KIAA1958: variants seen among roughly 807,000 people sequenced by gnomAD.
KIAA1958 encodes the protein uncharacterized protein KIAA1958.
KIAA1958 carries 14 observed loss-of-function variants against 47.2 expected under a neutral mutation model. That is an observed-to-expected ratio of 0.30 (90% CI 0.20 to 0.46). The LOEUF is 0.46. Ranked by LOEUF, KIAA1958 falls within the 20% of genes least tolerant of loss-of-function variation. The pLI is 1.00. For missense variants in KIAA1958, 803 were observed against 909.2 expected, an observed-to-expected ratio of 0.88 and a Z score of 1.50; for synonymous variants, 354 against 353.3, an observed-to-expected ratio of 1.00 and a Z score of -0.02.
intron 2 of KIAA1958, among the ~76,000 whole-genome samples, chr9:112,632,908 C>CT (rs5900008): frequency 3.3e-4 from 47 of 143,106 alleles, no homozygotes; most frequent in Admixed American, 9.0e-4. Context: ...TGGAAACAGC[C>CT]TTTTTTTTTT....
chr9:112,535,059 TAAAC>T (rs1369358409), intron 1 of KIAA1958, among the ~76,000 whole-genome samples: 3 of 152,200 alleles, frequency 2.0e-5, no homozygotes, highest in East Asian at 3.8e-4. Context: ...AAGGATAAAT[TAAAC>T]TAAGTAACAT....
intron 1 of KIAA1958, among the ~76,000 whole-genome samples, chr9:112,506,804 C>T (rs539197089): frequency 2.0e-5 from 3 of 151,478 alleles, no homozygotes; most frequent in South Asian, 2.1e-4. Flanking sequence ...CTTTTTTTGC[C>T]GGATCATGGG....
At chr9:112,639,084 T>G (rs991040647) in intron 2 of KIAA1958, among the ~76,000 whole-genome samples, 3 of 152,236 alleles carry the variant, frequency 2.0e-5, no homozygotes, top group African/African-American at 7.2e-5. Flanking sequence ...AAGGACATTT[T>G]CCTGCATAAC....
chr9:112,499,403 TAC>T (rs1369075384), intron 1 of KIAA1958, among the ~76,000 whole-genome samples: 1 of 152,220 alleles, frequency 6.6e-6, no homozygotes, highest in Non-Finnish European at 1.5e-5. Context: ...GCTCCCATTC[TAC>T]CTTCACAGCA....
chr9:112,556,842 G>T (rs1404935804), intron 1 of KIAA1958, among the ~76,000 whole-genome samples: 1 of 152,186 alleles, frequency 6.6e-6, no homozygotes, highest in Non-Finnish European at 1.5e-5. Flanking sequence ...GTCAGATTGG[G>T]CTGGGGGTAG....
rs562644089 is a variant in KIAA1958, at chr9:112,624,991, T to G, written c.1172-20659T>G. On this transcript the variant is annotated intron_variant, in intron 2 of 3. Transcript: ENST00000337530. ...TAGAAATAGCCAAGAGAACACAACC[T>G]CAAACAAATTCCCCAGAGGTCTCAT... Among the ~76,000 whole-genome samples the G allele has an allele frequency of 1.2e-3, 170 of 146,350 alleles. 1 individual carries two copies. Among genetic ancestry groups the G allele is most frequent in the African/African-American group, 4.0e-3 (158 of 39,182 alleles).
At chr9:112,594,018 C>T (rs1835973253) in intron 2 of KIAA1958, among the ~76,000 whole-genome samples, 2 of 152,108 alleles carry the variant, frequency 1.3e-5, no homozygotes, top group Non-Finnish European at 2.9e-5. Context: ...GCATGCACTA[C>T]CACATCTGGC....
At chr9:112,593,197 C>T (rs527688758) in intron 2 of KIAA1958, among the ~76,000 whole-genome samples, 1 of 152,206 alleles carries the variant, frequency 6.6e-6, no homozygotes, top group East Asian at 1.9e-4. Flanking sequence ...AGCAAAGGGG[C>T]TCACACATCC....
chr9:112,646,740 G>A (rs190204544), intron 3 of KIAA1958, among the ~76,000 whole-genome samples: 6 of 152,226 alleles, frequency 3.9e-5, no homozygotes, highest in African/African-American at 9.6e-5. Context: ...ATAGCAAGAC[G>A]CTGCCTCTAA....
chr9:112,603,328 G>T (rs1026665105), intron 2 of KIAA1958, among the ~76,000 whole-genome samples: 1 of 151,910 alleles, frequency 6.6e-6, no homozygotes, highest in Non-Finnish European at 1.5e-5. Context: ...CATTTCATGT[G>T]GCTATCCCAT....
intron 1 of KIAA1958, among the ~76,000 whole-genome samples, chr9:112,487,518 A>G (rs1206001419): frequency 2.0e-5 from 3 of 151,992 alleles, no homozygotes; most frequent in Admixed American, 1.3e-4. Context: ...GGAGGAGGAA[A>G]AGGTCTGTCC....
chr9:112,488,845 G>A (rs1293001323), intron 1 of KIAA1958, among the ~76,000 whole-genome samples: 3 of 152,048 alleles, frequency 2.0e-5, no homozygotes, highest in Non-Finnish European at 2.9e-5. Context: ...TTTTCTAGGA[G>A]AAAAATTTAT....
At position 112,574,614 on chromosome 9, in the gene KIAA1958, C is replaced by T. The variant is rs1564177582; in HGVS notation, c.534C>T (p.Val178=). 6.2e-7 allele frequency: 1 copy of T among 1,614,156 alleles called. No homozygotes were observed. The highest frequency in any genetic ancestry group is 1.7e-5 in the Admixed American group (1 of 60,024). Residue 178 remains valine (V), a synonymous_variant, in exon 2 of 4, where the codon GTC becomes GTT. Transcript: ENST00000337530. ...TTGCTCGCAAAAGACCTGGGGTAGT[C>T]CCATCTTCCCTCCATTCAAGCTCCC... is the stretch of plus-strand genomic sequence containing the variant. ...QSIARKRPGV[V]PSSLHSSSQT... is the part of the protein sequence containing the mutation.
intron 2 of KIAA1958, among the ~76,000 whole-genome samples, chr9:112,600,222 T>C (rs943476674): frequency 2.6e-5 from 4 of 152,216 alleles, no homozygotes; most frequent in Non-Finnish European, 5.9e-5. Flanking sequence ...CATCTAGTTA[T>C]TTATCCGCAC....
At chr9:112,492,366 C>T (rs951504665) in intron 1 of KIAA1958, among the ~76,000 whole-genome samples, 5 of 152,176 alleles carry the variant, frequency 3.3e-5, no homozygotes, top group African/African-American at 7.2e-5. Context: ...TGGATTAGGG[C>T]ACACACATAT....
At position 112,574,849 on chromosome 9, in the gene KIAA1958, A is replaced by T. The variant is rs1835612302; in HGVS notation, c.769A>T (p.Thr257Ser). Residue 257 changes from threonine to serine, a missense_variant, in exon 2 of 4, where the codon ACA becomes TCA. This residue lies in a region of KIAA1958 where 761 missense variants were observed against 829.3 expected (regional missense o/e 0.92). Coordinates refer to ENST00000337530, the MANE Select transcript of KIAA1958 (RefSeq NM_133465.4). ...VGSAKLIPHVTSAISTELDPH... is the reference protein window; with the variant it reads ...VGSAKLIPHVSSAISTELDPH... ...GTCTGCTAAACTGATTCCCCATGTC[A>T]CATCTGCCATCAGCACGGAGCTAGA... The T allele has an allele frequency of 6.2e-7, 1 of 1,614,066 alleles. No individual in the cohort carries two copies. The highest frequency in any genetic ancestry group is 1.1e-5 in the South Asian group (1 of 91,076).
At chr9:112,496,558 G>A (rs1779074292) in intron 1 of KIAA1958, among the ~76,000 whole-genome samples, 2 of 152,112 alleles carry the variant, frequency 1.3e-5, no homozygotes, top group Non-Finnish European at 2.9e-5. Context: ...GCCTTTTTCC[G>A]AGTGTATGTT....
intron 3 of KIAA1958, among the ~76,000 whole-genome samples, chr9:112,648,995 A>G (rs148582462): frequency 6.6e-6 from 1 of 152,186 alleles, no homozygotes; most frequent in African/African-American, 2.4e-5. Flanking sequence ...ATTTAAGTAG[A>G]GACATGGAAA....
In KIAA1958 at chr9:112,661,565, TTTAA is replaced by T. The variant is rs1462731194; in HGVS notation, c.*1503_*1506del. 1 of 152,222 alleles carries T rather than the reference TTTAA, an allele frequency of 6.6e-6. No homozygotes were observed. Among genetic ancestry groups the T allele is most frequent in the Non-Finnish European group, 1.5e-5 (1 of 68,040 alleles). The allele number at this position is 152,222 out of a possible 1,614,324, so 9.4% of individuals were successfully genotyped here. A position where few individuals can be genotyped will look rare whatever the true frequency, so the allele number is the denominator to read the frequency against. On this transcript the variant is annotated 3_prime_UTR_variant, in exon 4 of 4. Transcript: ENST00000337530. ...TTGAAAACATTATTTTAGTATTTAT[TTTAA>T]TTAATTGGTTTCTTAAAAAATCATA...
Sources: allele counts gnomAD v4.1 joint callset (sites outside exome capture counted in the v4.1 genomes callset), GRCh38; gene constraint gnomAD v4.1.1; regional missense constraint gnomAD v4.1.1; transcripts MANE v1.5; gene names NCBI Gene and HGNC (gene_info 2026-07-23, HGNC 2026-07-21).